Variants in GALNTL6 observed in about 807,000 individuals in gnomAD.
The protein encoded by GALNTL6 is polypeptide N-acetylgalactosaminyltransferase like 6, also known as polypeptide N-acetylgalactosaminyltransferase-like 6.
In GALNTL6, 46 loss-of-function variants were observed where a neutral mutation model predicts 73.7. The ratio of observed to expected loss-of-function variants is 0.62; its 90% CI spans 0.49 to 0.80. The LOEUF is 0.80. GALNTL6 is among the 30% of genes least tolerant of loss of function. The pLI, the probability that GALNTL6 is intolerant of heterozygous loss-of-function variation, is 0.00. For synonymous variants in GALNTL6, 259 were observed against 263.7 expected (o/e 0.98, Z 0.17); for missense variants, 604 against 755.0 (o/e 0.80, Z 2.34).
intron 5 of GALNTL6, among the ~76,000 whole-genome samples, chr4:172,612,311 A>T (rs1049717209): frequency 1.3e-5 from 2 of 152,074 alleles, no homozygotes; most frequent in Non-Finnish European, 2.9e-5. Flanking sequence ...CGGTATTATG[A>T]TGCAGATGAT....
chr4:172,465,532 T>C (rs978462204), intron 5 of GALNTL6, among the ~76,000 whole-genome samples: 6 of 152,064 alleles, frequency 3.9e-5, no homozygotes, highest in African/African-American at 1.4e-4. Context: ...ATTTCATTAA[T>C]TGTGAGATTT....
intron 5 of GALNTL6, among the ~76,000 whole-genome samples, chr4:172,354,862 T>C (rs1015463588): frequency 2.0e-5 from 3 of 152,136 alleles, no homozygotes; most frequent in Non-Finnish European, 4.4e-5. Flanking sequence ...TATATCCTTA[T>C]TGAGTCTCAC....
intron 2 of GALNTL6, among the ~76,000 whole-genome samples, chr4:171,954,059 G>T (rs1377720019): frequency 2.6e-5 from 4 of 152,184 alleles, no homozygotes; most frequent in Non-Finnish European, 4.4e-5. Context: ...CAAATATAAT[G>T]TGAGGAGTGG....
At chr4:172,510,528 T>G (rs6855158) in intron 5 of GALNTL6, among the ~76,000 whole-genome samples, 49,742 of 53,776 alleles carry the variant, frequency 0.92, 24,501 homozygotes, top group Middle Eastern at 1. Context: ...CCAGTTCTCA[T>G]GGAGAATGCA....
intron 5 of GALNTL6, among the ~76,000 whole-genome samples, chr4:172,482,368 T>C (rs1733521228): frequency 6.6e-6 from 1 of 152,224 alleles, no homozygotes; most frequent in South Asian, 2.1e-4. Flanking sequence ...CCAGAGCGGA[T>C]GCCGAGCCCA....
At position 172,370,523 on chromosome 4, in the gene GALNTL6, C is replaced by T. The variant is rs575688218; in HGVS notation, c.553+21834C>T. Among the ~76,000 whole-genome samples, 15 of 143,734 alleles carry T rather than the reference C, an allele frequency of 1.0e-4. No individual in the cohort carries two copies. In the South Asian group the frequency reaches 2.7e-3, roughly 26 times the overall value. 94.3% of individuals were successfully genotyped at this position (143,734 alleles called of 152,430 possible). On this transcript the variant is annotated intron_variant, in intron 5 of 12. Coordinates refer to ENST00000506823, the MANE Select transcript of GALNTL6 (RefSeq NM_001034845.3). ...GTGGGCGCCTGTAGTCCCAGCTACT[C>T]GGGTGGCTGAGGCAGGAGAATGGTG...
At chr4:171,911,320 C>G (rs573492374) in intron 2 of GALNTL6, among the ~76,000 whole-genome samples, 2 of 152,084 alleles carry the variant, frequency 1.3e-5, no homozygotes, top group African/African-American at 4.8e-5. Flanking sequence ...TCACTACAAC[C>G]AGCTAATTTT....
At chr4:172,271,220 C>G (rs1446451301) in intron 3 of GALNTL6, among the ~76,000 whole-genome samples, 2 of 151,950 alleles carry the variant, frequency 1.3e-5, no homozygotes, top group Non-Finnish European at 2.9e-5. Flanking sequence ...TATACGTTGC[C>G]TCACCAGAAA....
At chr4:172,283,423 TAGC>T (rs1316604950) in intron 3 of GALNTL6, among the ~76,000 whole-genome samples, 2 of 152,136 alleles carry the variant, frequency 1.3e-5, no homozygotes, top group African/African-American at 4.8e-5. Flanking sequence ...TATGAGAAAA[TAGC>T]AGTTAATTAT....
chr4:172,024,671 A>G (rs571033054), intron 2 of GALNTL6, among the ~76,000 whole-genome samples: 3 of 151,930 alleles, frequency 2.0e-5, no homozygotes, highest in African/African-American at 7.2e-5. Flanking sequence ...TTTTTGCCAT[A>G]GAACTGTATA....
intron 5 of GALNTL6, among the ~76,000 whole-genome samples, chr4:172,731,821 T>G (rs1287249229): frequency 6.6e-6 from 1 of 152,200 alleles, no homozygotes; most frequent in African/African-American, 2.4e-5. Context: ...ACATGGTTTT[T>G]TAAATTTCCA....
At chr4:172,289,552 T>C (rs572234326) in intron 3 of GALNTL6, among the ~76,000 whole-genome samples, 27 of 152,344 alleles carry the variant, frequency 1.8e-4, no homozygotes, top group African/African-American at 5.8e-4. Flanking sequence ...ATGTGAGAAT[T>C]ACAGAACTGA....
chr4:172,317,309 C>A (rs2054685), intron 4 of GALNTL6, among the ~76,000 whole-genome samples: 1 of 151,956 alleles, frequency 6.6e-6, no homozygotes, highest in African/African-American at 2.4e-5. Flanking sequence ...AGTCCAATTG[C>A]GTTTTGAATG....
At chr4:172,129,452 T>C (rs1185819822) in intron 2 of GALNTL6, among the ~76,000 whole-genome samples, 1 of 152,218 alleles carries the variant, frequency 6.6e-6, no homozygotes, top group Non-Finnish European at 1.5e-5. Flanking sequence ...CCTTAAAGTT[T>C]GAGAATCCTA....
chr4:171,942,063 A>G (rs1486670312), intron 2 of GALNTL6, among the ~76,000 whole-genome samples: 1 of 152,032 alleles, frequency 6.6e-6, no homozygotes, highest in East Asian at 1.9e-4. Flanking sequence ...TTTATGCTAT[A>G]GCGATTTTAA....
At chr4:173,009,928 T>G (rs34245921) in intron 11 of GALNTL6, among the ~76,000 whole-genome samples, 29,515 of 152,178 alleles carry the variant, frequency 0.19, 3,075 homozygotes, top group African/African-American at 0.27. Flanking sequence ...TTTGATACAG[T>G]CATGCAATGC....
intron 5 of GALNTL6, among the ~76,000 whole-genome samples, chr4:172,701,332 G>C (rs1734017071): frequency 1.3e-5 from 2 of 152,046 alleles, no homozygotes; most frequent in Admixed American, 1.3e-4. Context: ...ATAATTATTG[G>C]TGGCAAACAA....
In GALNTL6 at chr4:172,168,870, T is replaced by C. The variant is rs1231161556; in HGVS notation, c.139-60786T>C. 3.9e-5 allele frequency among the ~76,000 whole-genome samples: 6 copies of C among 152,222 alleles called. No individual in the cohort carries two copies. The South Asian group carries it at 1.0e-3, about 26-fold the overall frequency. On this transcript the variant is annotated intron_variant, in intron 2 of 12. Transcript: ENST00000506823. ...GTAATTTTTGTGATGTTTTTAAACA[T>C]GTGTAAAACTACACTTTTGTACTAA...
At chr4:172,471,865 G>C (rs1354004229) in intron 5 of GALNTL6, among the ~76,000 whole-genome samples, 1 of 152,186 alleles carries the variant, frequency 6.6e-6, no homozygotes, top group Non-Finnish European at 1.5e-5. Flanking sequence ...GATGAGAGCT[G>C]ACTAAATTTC....
Sources: allele counts gnomAD v4.1 joint callset (sites outside exome capture counted in the v4.1 genomes callset), GRCh38; gene constraint gnomAD v4.1.1; transcripts MANE v1.5; gene names NCBI Gene and HGNC (gene_info 2026-07-23, HGNC 2026-07-21).